The following SDK1 variants were observed in gnomAD, a reference collection of about 807,000 sequenced individuals.
SDK1 encodes sidekick cell adhesion molecule 1.
SDK1 carries 157 observed loss-of-function variants against 245.5 expected under a neutral mutation model. That is an observed-to-expected ratio of 0.64 (90% CI 0.56 to 0.73). The LOEUF (loss-of-function observed/expected upper bound fraction) is 0.73, where lower values mean the gene tolerates loss of function less well. Among genes scored for constraint, SDK1 ranks in the 30% least tolerant of loss-of-function variants. The pLI, the probability that SDK1 is intolerant of heterozygous loss-of-function variation, is 0.00. For synonymous variants in SDK1, 1,647 were observed against 1,278.5 expected (o/e 1.29, Z -6.15); for missense variants, 3,583 against 3,002.3 (o/e 1.19, Z -4.52).
intron 5 of SDK1, among the ~76,000 whole-genome samples, chr7:3,946,388 C>T (rs1308496433): frequency 6.6e-6 from 1 of 152,138 alleles, no homozygotes; most frequent in Admixed American, 6.6e-5. Context: ...CTATGTTGCC[C>T]AGGCTGGTCT....
At chr7:3,505,736 C>T (rs899024621) in intron 1 of SDK1, among the ~76,000 whole-genome samples, 1 of 152,044 alleles carries the variant, frequency 6.6e-6, no homozygotes, top group African/African-American at 2.4e-5. Flanking sequence ...CTCAAAAATA[C>T]AGTATTCCTG....
chr7:3,521,771 TATTA>T (rs1176206296), intron 1 of SDK1, among the ~76,000 whole-genome samples: 17 of 152,240 alleles, frequency 1.1e-4, no homozygotes, highest in Admixed American at 9.2e-4. Context: ...AGAGAGGCGA[TATTA>T]ATTAGGAGGA....
At chr7:4,113,971 C>A in intron 24 of SDK1, 66 bp from the exon 25 acceptor site, 1 of 1,375,476 alleles carries the variant, frequency 7.3e-7, no homozygotes, top group Non-Finnish European at 1.0e-6. Flanking sequence ...CAGGCCCATC[C>A]CTTACAACCC....
At chr7:3,972,024 C>G (rs1470620298) in intron 12 of SDK1, among the ~76,000 whole-genome samples, 2 of 151,580 alleles carry the variant, frequency 1.3e-5, no homozygotes, top group African/African-American at 4.8e-5. Context: ...CCCACAGCCC[C>G]CAGTGCACTA....
At chr7:3,889,268 T>C (rs1781402874) in intron 5 of SDK1, among the ~76,000 whole-genome samples, 1 of 152,232 alleles carries the variant, frequency 6.6e-6, no homozygotes, top group Non-Finnish European at 1.5e-5. Flanking sequence ...CCAAAGGCAC[T>C]CACATTGGTG....
chr7:3,597,420 A>C (rs1714740214), intron 1 of SDK1, among the ~76,000 whole-genome samples: 1 of 152,156 alleles, frequency 6.6e-6, no homozygotes, highest in African/African-American at 2.4e-5. Context: ...CTGAAACCTC[A>C]AATCCCACTG....
chr7:3,872,889 TCTA>T (rs1426570435), intron 5 of SDK1, among the ~76,000 whole-genome samples: 7 of 152,226 alleles, frequency 4.6e-5, no homozygotes, highest in Middle Eastern at 3.4e-3. Flanking sequence ...TCCCATTCCT[TCTA>T]CTATTATTGT....
At chr7:4,015,211 A>G (rs945632588) in intron 16 of SDK1, among the ~76,000 whole-genome samples, 3 of 152,144 alleles carry the variant, frequency 2.0e-5, no homozygotes, top group Non-Finnish European at 4.4e-5. Context: ...GAAGTTTGGA[A>G]TTTTCCCAAC....
At chr7:4,202,044 G>A (rs1041602656) in intron 35 of SDK1, among the ~76,000 whole-genome samples, 5 of 152,196 alleles carry the variant, frequency 3.3e-5, no homozygotes, top group African/African-American at 7.2e-5. Flanking sequence ...CCACTGTCAC[G>A]TCTCAAATCT....
intron 20 of SDK1, among the ~76,000 whole-genome samples, chr7:4,075,805 C>G (rs1404175896): frequency 6.6e-6 from 1 of 152,200 alleles, no homozygotes; most frequent in South Asian, 2.1e-4. Flanking sequence ...CAGGCGCCCA[C>G]CACCATGCAT....
chr7:3,514,688 G>C (rs1048144260), intron 1 of SDK1, among the ~76,000 whole-genome samples: 18 of 152,154 alleles, frequency 1.2e-4, no homozygotes, highest in Non-Finnish European at 2.4e-4. Context: ...TGTCATTTAA[G>C]GAGGTTTCTG....
intron 1 of SDK1, among the ~76,000 whole-genome samples, chr7:3,349,287 G>A (rs1431791359): frequency 6.6e-6 from 1 of 152,070 alleles, no homozygotes; most frequent in Admixed American, 6.6e-5. Context: ...TGTGGGAAGA[G>A]CAGGGTCTCA....
chr7:3,827,211 C>T (rs770211397), intron 5 of SDK1, among the ~76,000 whole-genome samples: 7 of 152,182 alleles, frequency 4.6e-5, no homozygotes, highest in Non-Finnish European at 1.0e-4. Context: ...AAGCAGCAGT[C>T]ACTGGTCTGA....
intron 40 of SDK1, among the ~76,000 whole-genome samples, chr7:4,225,641 G>A (rs58488225): frequency 0.025 from 3,827 of 152,292 alleles, 63 homozygotes; most frequent in Middle Eastern, 0.037. Flanking sequence ...CTGGCAGGCC[G>A]TGCGGATTAG....
At chr7:3,457,433 C>T (rs1177032820) in intron 1 of SDK1, among the ~76,000 whole-genome samples, 4 of 152,112 alleles carry the variant, frequency 2.6e-5, no homozygotes, top group Admixed American at 6.5e-5. Flanking sequence ...GTCTTCTTAT[C>T]TCCCTTTACC....
chr7:3,587,261 T>C (rs1296591593), intron 1 of SDK1, among the ~76,000 whole-genome samples: 2 of 152,030 alleles, frequency 1.3e-5, no homozygotes, highest in African/African-American at 4.8e-5. Context: ...TTTAAACATT[T>C]GCTGTTTGTA....
Position 3,340,099 on chromosome 7 carries a change from A to G in SDK1, c.298+38215A>G, listed in dbSNP as rs191970401. Among the ~76,000 whole-genome samples the G allele has an allele frequency of 8.6e-5, 13 of 151,510 alleles. No homozygotes were observed. The East Asian group carries it at 1.4e-3, about 16-fold the overall frequency. On this transcript the variant is annotated intron_variant, in intron 1 of 44. Transcript: ENST00000404826. Reference sequence around the variant, plus strand: ...ATAAATTTGACAATGTAGAGGAAATATCTTTAGTTTTAATTAGCTTTTTAT... The same window carrying G: ...ATAAATTTGACAATGTAGAGGAAATGTCTTTAGTTTTAATTAGCTTTTTAT...
chr7:3,619,318 C>G (rs1036186827), intron 2 of SDK1, 79 bp downstream of exon 2: 11 of 1,191,984 alleles, frequency 9.2e-6, no homozygotes, highest in Non-Finnish European at 1.3e-5. Flanking sequence ...CATAATAGCA[C>G]AATGAGTGAA....
rs10663969 is a variant in SDK1, at chr7:3,655,049, C to CTTTTTTTTTTTT, written c.713+12946_713+12957dup. On this transcript the variant is annotated intron_variant, in intron 4 of 44. Transcript: ENST00000404826. ...AATGTGTTAGTTGAATCATAGCTTG[C>CTTTTTTTTTTTT]TTTTTTTTTTTTTGGCTCTTAAATC... is the stretch of plus-strand genomic sequence containing the variant. Among the ~76,000 whole-genome samples, 5 of 144,308 alleles carry CTTTTTTTTTTTT rather than the reference C, an allele frequency of 3.5e-5. 1 individual carries two copies. The highest frequency in any genetic ancestry group is 6.1e-5 in the Non-Finnish European group (4 of 65,862). The allele number at this position is 144,308 out of a possible 152,430, so 94.7% of individuals were successfully genotyped here. A position where few individuals can be genotyped will look rare whatever the true frequency, so the allele number is the denominator to read the frequency against.
Sources: gnomAD v4.1 joint callset for allele counts (sites outside exome capture counted in the v4.1 genomes callset) on GRCh38, gnomAD v4.1.1 for gene constraint, MANE v1.5 for transcripts, NCBI Gene and HGNC (gene_info 2026-07-23, HGNC 2026-07-21) for gene names.